ING3: variants seen among roughly 807,000 people sequenced by gnomAD.
The protein encoded by ING3 is inhibitor of growth family member 3, also known as inhibitor of growth protein 3.
ING3 carries 6 observed loss-of-function variants against 64.8 expected under a neutral mutation model. That is an observed-to-expected ratio of 0.09 (90% CI 0.05 to 0.18). The LOEUF is 0.18. Among genes scored for constraint, ING3 ranks in the 10% least tolerant of loss-of-function variants. The pLI is 1.00. For synonymous variants in ING3, 170 were observed against 173.7 expected, an observed-to-expected ratio of 0.98 and a Z score of 0.17; for missense variants, 310 against 489.7, an observed-to-expected ratio of 0.63 and a Z score of 3.46.
chr7:120,972,760 T>C (rs1217722225), intron 10 of ING3, among the ~76,000 whole-genome samples: 1 of 152,040 alleles, frequency 6.6e-6, no homozygotes, highest in African/African-American at 2.4e-5. Flanking sequence ...GTGCTGGTGA[T>C]GAAGAGCAAA....
At chr7:120,951,075 C>T (rs1795755031) in intron 1 of ING3, 89 bp from the exon 2 acceptor site, 1 of 1,535,180 alleles carries the variant, frequency 6.5e-7, no homozygotes, top group Non-Finnish European at 9.0e-7. Context: ...GCTGCCGGCC[C>T]CCTCGACCCC....
intron 4 of ING3, among the ~76,000 whole-genome samples, chr7:120,963,217 C>T (rs1795955883): frequency 6.6e-6 from 1 of 151,998 alleles, no homozygotes; most frequent in Non-Finnish European, 1.5e-5. Context: ...CCTGCAGATT[C>T]TTTGAATAGG....
chr7:120,971,625 A>G (rs1032201077), intron 10 of ING3, among the ~76,000 whole-genome samples: 2 of 152,050 alleles, frequency 1.3e-5, no homozygotes, highest in African/African-American at 4.8e-5. Flanking sequence ...CTTTAAGATC[A>G]TATTTTTAAT....
At chr7:120,970,939 A>G (rs1345948775) in intron 10 of ING3, 59 bp downstream of exon 10, 16 of 1,411,482 alleles carry the variant, frequency 1.1e-5, no homozygotes, top group Non-Finnish European at 1.6e-5. Context: ...GAAGAGAACT[A>G]TTTCATTTTT....
intron 4 of ING3, chr7:120,956,793 C>T (rs961713430): frequency 9.2e-6 from 9 of 977,558 alleles, no homozygotes; most frequent in Non-Finnish European, 1.1e-5. Context: ...TAACATTCTT[C>T]CTCATATTCA....
At chr7:120,968,965 C>A in intron 8 of ING3, 46 bp from the exon 9 acceptor site, 5 of 1,130,768 alleles carry the variant, frequency 4.4e-6, no homozygotes, top group South Asian at 3.6e-5. Context: ...AAAAGAAAAT[C>A]TACATATTTA....
At chr7:120,970,115 T>C (rs113318462) in intron 9 of ING3, among the ~76,000 whole-genome samples, 2 of 152,076 alleles carry the variant, frequency 1.3e-5, no homozygotes, top group African/African-American at 4.8e-5. Context: ...TCATCAAATG[T>C]TTTTGTGTGT....
At chr7:120,967,064 C>T (rs1796006123) in intron 6 of ING3, among the ~76,000 whole-genome samples, 1 of 152,168 alleles carries the variant, frequency 6.6e-6, no homozygotes, top group African/African-American at 2.4e-5. Flanking sequence ...TTCATCCTTG[C>T]TTCTCCAGTG....
chr7:120,971,330 T>C (rs1245493310), intron 10 of ING3, among the ~76,000 whole-genome samples: 1 of 152,010 alleles, frequency 6.6e-6, no homozygotes, highest in Admixed American at 6.6e-5. Context: ...AAGAGTGTGC[T>C]CTGGTGTCTT....
chr7:120,973,101 T>C (rs1796090470), intron 10 of ING3, 104 bp from the exon 11 acceptor site: 1 of 665,950 alleles, frequency 1.5e-6, no homozygotes, highest in African/African-American at 1.9e-5. Flanking sequence ...GTATATTCAG[T>C]GTATTTCCCT....
chr7:120,950,996 C>T (rs928668517), intron 1 of ING3, 72 bp downstream of exon 1: 4 of 1,409,836 alleles, frequency 2.8e-6, no homozygotes, highest in African/African-American at 1.4e-5. Context: ...GGACGGGCAG[C>T]GAGATGGCGG....
rs547434194 is a variant in ING3 at position 120,955,443 on chromosome 7, C to G, written c.202-116C>G. The G allele has an allele frequency of 1.3e-4, 93 of 709,576 alleles. No individual in the cohort carries two copies. In the Middle Eastern group the frequency reaches 2.4e-3, roughly 18 times the overall value. 44.0% of individuals were successfully genotyped at this position (709,576 alleles called of 1,614,324 possible). A position where few individuals can be genotyped will look rare whatever the true frequency, so the allele number is the denominator to read the frequency against. ...CTGGCCTCTAACAGGTTTTTTATTA[C>G]TAAGGTAGGATGACTGTGATAACAA... On this transcript the variant is annotated intron_variant, in intron 3 of 11. Transcript: ENST00000315870.
chr7:120,966,558 T>C, intron 5 of ING3, 68 bp from the exon 6 acceptor site: 1 of 1,171,546 alleles, frequency 8.5e-7, no homozygotes. Context: ...TTGCCTGTAG[T>C]TGAGTGACAT....
rs752591588 is a variant in ING3, at chr7:120,958,087, G to T, written c.267+2463G>T. Among the ~76,000 whole-genome samples, 29 of 152,258 alleles carry T rather than the reference G, an allele frequency of 1.9e-4. 1 individual carries two copies. The Middle Eastern group carries it at 0.01, about 54-fold the overall frequency. ...GCTTCCCTTTCAACTCTGCCAAGTG[G>T]AAGCTGCTGTCTCTCACTCTCCTAG... On this transcript the variant is annotated intron_variant, in intron 4 of 11. Coordinates refer to ENST00000315870, the MANE Select transcript of ING3 (RefSeq NM_019071.3).
At chr7:120,962,583 A>T (rs901462329) in intron 4 of ING3, among the ~76,000 whole-genome samples, 1 of 151,980 alleles carries the variant, frequency 6.6e-6, no homozygotes, top group Non-Finnish European at 1.5e-5. Flanking sequence ...ATGAAAAAGA[A>T]AGGTCTTTAT....
chr7:120,967,455 C>T, intron 6 of ING3, 74 bp from the exon 7 acceptor site: 1 of 1,072,814 alleles, frequency 9.3e-7, no homozygotes, highest in Non-Finnish European at 1.3e-6. Flanking sequence ...CACATTTTAA[C>T]TGGATATAAG....
intron 10 of ING3, among the ~76,000 whole-genome samples, chr7:120,971,604 A>G (rs902298271): frequency 6.6e-6 from 1 of 152,120 alleles, no homozygotes; most frequent in Admixed American, 6.5e-5. Flanking sequence ...GGTATACCGA[A>G]CATGATTTTT....
chr7:120,969,863 G>T (rs1796043982), intron 9 of ING3, among the ~76,000 whole-genome samples: 2 of 152,036 alleles, frequency 1.3e-5, no homozygotes, highest in African/African-American at 4.8e-5. Flanking sequence ...TATATTTTTT[G>T]TGAATTAATC....
intron 3 of ING3, among the ~76,000 whole-genome samples, chr7:120,955,142 T>G (rs1401240604): frequency 6.6e-6 from 1 of 152,168 alleles, no homozygotes; most frequent in Non-Finnish European, 1.5e-5. Flanking sequence ...TGTTTTTTGT[T>G]TTTTTGAGAC....
Sources: allele counts gnomAD v4.1 joint callset (sites outside exome capture counted in the v4.1 genomes callset), GRCh38; gene constraint gnomAD v4.1.1; transcripts MANE v1.5; gene names NCBI Gene and HGNC (gene_info 2026-07-23, HGNC 2026-07-21).